USP9X: variants seen among roughly 807,000 people sequenced by gnomAD.
The protein encoded by USP9X is ubiquitin specific peptidase 9 X-linked, also known as ubiquitin carboxyl-terminal hydrolase 9X.
A neutral mutation model predicts 190.3 loss-of-function variants in USP9X; 7 were observed. The observed-to-expected ratio is 0.04, with a 90% CI of 0.02 to 0.07. The LOEUF (loss-of-function observed/expected upper bound fraction) is 0.07, where lower values mean the gene tolerates loss of function less well. Ranked by LOEUF, USP9X falls within the 10% of genes least tolerant of loss-of-function variation. The pLI is 1.00. For synonymous variants in USP9X, 645 were observed against 659.5 expected (o/e 0.98, Z 0.34); for missense variants, 1,010 against 1,916.9 (o/e 0.53, Z 8.83).
chrX:41,114,907 A>T (rs1277589308), intron 1 of USP9X, among the ~76,000 whole-genome samples: 2 of 110,786 alleles, frequency 1.8e-5, no homozygotes, highest in Non-Finnish European at 3.8e-5. Flanking sequence ...TGCTGTTAGT[A>T]GTTAAGTTTC....
intron 9 of USP9X, among the ~76,000 whole-genome samples, chrX:41,143,039 A>G (rs2062436253): frequency 1.8e-5 from 2 of 111,415 alleles, no homozygotes; most frequent in African/African-American, 3.3e-5. Context: ...CTTAAATAAT[A>G]TTTTTCTGAG....
chrX:41,216,769 G>A (rs955442492), intron 35 of USP9X, 117 bp downstream of exon 35: 2 of 894,825 alleles, frequency 2.2e-6, no homozygotes, highest in Non-Finnish European at 1.5e-6. Flanking sequence ...TTTGCTGGGT[G>A]TGGTGGTTCA....
chrX:41,212,477 C>T (rs1448461688), intron 33 of USP9X, among the ~76,000 whole-genome samples: 14 of 85,521 alleles, frequency 1.6e-4, no homozygotes, highest in African/African-American at 5.3e-4. Flanking sequence ...AAAAAAAAAG[C>T]CTAAAAAAAT....
At position 41,233,993 on chromosome X, in the gene USP9X, C is replaced by CT. The variant is rs2063382598; in HGVS notation, c.*1474dup. 9.5e-6 allele frequency: 1 copy of CT among 105,427 alleles called. No homozygotes were observed. The highest frequency in any genetic ancestry group is 2.9e-4 in the East Asian group (1 of 3,399). The allele number at this position is 105,427 out of a possible 1,213,427, so 8.7% of individuals were successfully genotyped here. A position where few individuals can be genotyped will look rare whatever the true frequency, so the allele number is the denominator to read the frequency against. On this transcript the variant is annotated 3_prime_UTR_variant, in exon 45 of 45. Coordinates refer to ENST00000378308, the MANE Select transcript of USP9X (RefSeq NM_001039591.3). ...CAAATAGAATTTGATTTAAGAAGAA[C>CT]TTTTTGTCCTGTGGTGTGTTTTTGG...
intron 31 of USP9X, among the ~76,000 whole-genome samples, chrX:41,204,587 C>T (rs1341567821): frequency 9.0e-6 from 1 of 111,611 alleles, no homozygotes; most frequent in East Asian, 2.8e-4. Flanking sequence ...TCATGCACCA[C>T]ATAACAACGT....
chrX:41,120,278 C>T (rs1303216213), intron 1 of USP9X, among the ~76,000 whole-genome samples: 3 of 111,811 alleles, frequency 2.7e-5, no homozygotes, highest in Non-Finnish European at 5.6e-5. Context: ...TCTGTGCCTC[C>T]CTTTCCTTAC....
At position 41,147,517 on chromosome X, in the gene USP9X, G is replaced by C. The variant is rs1391100233; in HGVS notation, c.1420-852G>C. Among the ~76,000 whole-genome samples, 19 of 96,916 alleles carry C rather than the reference G, an allele frequency of 2.0e-4. No homozygotes were observed. In the Admixed American group the frequency reaches 2.2e-3, roughly 11 times the overall value. The allele number at this position is 96,916 out of a possible 115,157, so 84.2% of individuals were successfully genotyped here. A position where few individuals can be genotyped will look rare whatever the true frequency, so the allele number is the denominator to read the frequency against. ...CACCCAGACTGGAGTGCAGTGGCGCGATCCCAGCTCACTGCATCCTCCACT... is the reference window on the plus strand; with the variant it reads ...CACCCAGACTGGAGTGCAGTGGCGCCATCCCAGCTCACTGCATCCTCCACT... On this transcript the variant is annotated intron_variant, in intron 11 of 44. Transcript: ENST00000378308.
chrX:41,203,582 A>G (rs910790524), intron 31 of USP9X, among the ~76,000 whole-genome samples: 9 of 112,435 alleles, frequency 8.0e-5, no homozygotes, highest in Non-Finnish European at 7.5e-5. Flanking sequence ...TATTGTGAAT[A>G]AGGCTGCCAT....
At chrX:41,114,752 G>A (rs1369568331) in intron 1 of USP9X, among the ~76,000 whole-genome samples, 1 of 109,437 alleles carries the variant, frequency 9.1e-6, no homozygotes, top group Non-Finnish European at 1.9e-5. Flanking sequence ...CCAAAGTGCT[G>A]GGATTACAGG....
chrX:41,130,945 C>T (rs1018890902), intron 3 of USP9X, among the ~76,000 whole-genome samples: 4 of 109,678 alleles, frequency 3.6e-5, no homozygotes, highest in South Asian at 3.9e-4. Flanking sequence ...AGGCTGGTCT[C>T]GAACGCCTGA....
chrX:41,197,352 C>CCCCCCCGG lies in USP9X; in HGVS notation c.4234-12_4234-11insCCCCCCGG. 9 of 988,085 alleles carry CCCCCCCGG rather than the reference C, an allele frequency of 9.1e-6. No individual in the cohort carries two copies. Among genetic ancestry groups the CCCCCCCGG allele is most frequent in the South Asian group, 3.4e-5 (1 of 29,421 alleles). 81.4% of individuals were successfully genotyped at this position (988,085 alleles called of 1,213,427 possible). A position where few individuals can be genotyped will look rare whatever the true frequency, so the allele number is the denominator to read the frequency against. ...TTCTTCCCCCCCCCACCCCACCCCC[C>CCCCCCCGG]GCCTTTGGCAGGATGATGTTAAAAG... is the stretch of plus-strand genomic sequence containing the variant. On this transcript the variant is annotated splice_polypyrimidine_tract_variant and intron_variant, in intron 28 of 44. Coordinates refer to ENST00000378308, the MANE Select transcript of USP9X (RefSeq NM_001039591.3).
chrX:41,087,293 G>A (rs2061920400), intron 1 of USP9X, among the ~76,000 whole-genome samples: 1 of 112,120 alleles, frequency 8.9e-6, no homozygotes, highest in African/African-American at 3.2e-5. Context: ...GAGGAAGAAT[G>A]ATTTGGGGTG....
At chrX:41,112,177 A>G (rs187809872) in intron 1 of USP9X, among the ~76,000 whole-genome samples, 137 of 112,573 alleles carry the variant, frequency 1.2e-3, no homozygotes, top group African/African-American at 4.1e-3. Flanking sequence ...GTGCTGTGAC[A>G]TATTTTGCAT....
At chrX:41,145,568 T>C (rs2147059793) in intron 11 of USP9X, among the ~76,000 whole-genome samples, 1 of 111,607 alleles carries the variant, frequency 9.0e-6, no homozygotes, top group South Asian at 3.7e-4. Context: ...AAACAGAAGG[T>C]TGAAGAAAGG....
intron 41 of USP9X, 39 bp from the exon 42 acceptor site, chrX:41,229,214 A>AT (rs781107524): frequency 2.9e-5 from 32 of 1,093,048 alleles, no homozygotes; most frequent in Non-Finnish European, 2.5e-5. Flanking sequence ...TAGCTATTAG[A>AT]TTTTAGATGT....
At chrX:41,111,480 T>C (rs2062108260) in intron 1 of USP9X, among the ~76,000 whole-genome samples, 2 of 112,054 alleles carry the variant, frequency 1.8e-5, no homozygotes, top group African/African-American at 6.5e-5. Flanking sequence ...TGAGCAAAGC[T>C]TGCATAGCTT....
intron 1 of USP9X, among the ~76,000 whole-genome samples, chrX:41,093,270 A>G (rs1199701481): frequency 8.9e-6 from 1 of 112,490 alleles, no homozygotes; most frequent in East Asian, 2.8e-4. Context: ...TTTTTATTGC[A>G]AGGTGGTATT....
chrX:41,103,683 A>C (rs1438885157), intron 1 of USP9X, among the ~76,000 whole-genome samples: 1 of 112,314 alleles, frequency 8.9e-6, no homozygotes, highest in Non-Finnish European at 1.9e-5. Flanking sequence ...TTCTGCATTT[A>C]TTTAAGCAAC....
chrX:41,103,520 A>G lies in USP9X; in HGVS notation c.-159+17411A>G, dbSNP rs144100979. Among the ~76,000 whole-genome samples, 649 of 111,917 alleles carry G rather than the reference A, an allele frequency of 5.8e-3. 2 individuals carry two copies. Among genetic ancestry groups the G allele is most frequent in the African/African-American group, 0.019 (597 of 30,784 alleles). On this transcript the variant is annotated intron_variant, in intron 1 of 44. Transcript: ENST00000378308. Reference sequence around the variant, plus strand: ...AAGTAGGAACATATGATGGTGGTATAGCCATGCAAAACTCGAACCCATGCC... The same window carrying G: ...AAGTAGGAACATATGATGGTGGTATGGCCATGCAAAACTCGAACCCATGCC...
Sources: allele counts gnomAD v4.1 joint callset (sites outside exome capture counted in the v4.1 genomes callset), GRCh38; gene constraint gnomAD v4.1.1; transcripts MANE v1.5; gene names NCBI Gene and HGNC (gene_info 2026-07-23, HGNC 2026-07-21).